CCDC30: variants seen among roughly 807,000 people sequenced by gnomAD.
CCDC30 encodes the protein coiled-coil domain containing 30, also known as coiled-coil domain-containing protein 30.
CCDC30 carries 70 observed loss-of-function variants against 100.2 expected under a neutral mutation model. That is an observed-to-expected ratio of 0.70 (90% CI 0.58 to 0.85). The LOEUF is 0.85. CCDC30 is among the 40% of genes least tolerant of loss of function. The pLI, the probability that CCDC30 is intolerant of heterozygous loss-of-function variation, is 0.00. For synonymous variants in CCDC30, 233 were observed against 269.5 expected (o/e 0.86, Z 1.33); for missense variants, 652 against 771.2 (o/e 0.85, Z 1.83).
upstream of CCDC30, among the ~76,000 whole-genome samples, chr1:42,462,648 A>G (rs1271309330): frequency 1.3e-5 from 2 of 152,198 alleles, no homozygotes. Context: ...TTGCAATAAG[A>G]GCATCTAAAA....
intron 11 of CCDC30, among the ~76,000 whole-genome samples, chr1:42,627,883 G>A (rs1646962143): frequency 6.6e-6 from 1 of 152,244 alleles, no homozygotes; most frequent in African/African-American, 2.4e-5. Flanking sequence ...CAGTGTGGAA[G>A]GGAAACATGG....
chr1:42,552,572 T>A (rs1645274532), intron 6 of CCDC30, among the ~76,000 whole-genome samples: 1 of 152,104 alleles, frequency 6.6e-6, no homozygotes, highest in Admixed American at 6.6e-5. Flanking sequence ...TTTTCCATTT[T>A]TTAAATGGAA....
At chr1:42,583,663 G>A (rs980893783) in intron 9 of CCDC30, among the ~76,000 whole-genome samples, 1 of 151,852 alleles carries the variant, frequency 6.6e-6, no homozygotes, top group Non-Finnish European at 1.5e-5. Context: ...CACATAATAA[G>A]CACTTCTACC....
At chr1:42,645,895 A>G (rs1279815236) in intron 14 of CCDC30, among the ~76,000 whole-genome samples, 4 of 152,236 alleles carry the variant, frequency 2.6e-5, no homozygotes, top group Non-Finnish European at 5.9e-5. Flanking sequence ...GAGAAGGACA[A>G]ACACATTTGT....
intron 10 of CCDC30, among the ~76,000 whole-genome samples, chr1:42,607,905 G>A (rs563439523): frequency 1.3e-5 from 2 of 152,274 alleles, no homozygotes; most frequent in African/African-American, 4.8e-5. Context: ...GCCTTTTAAG[G>A]TTCTTTTGAT....
intron 6 of CCDC30, among the ~76,000 whole-genome samples, chr1:42,564,667 T>C (rs1481220724): frequency 6.6e-6 from 1 of 152,246 alleles, no homozygotes; most frequent in Non-Finnish European, 1.5e-5. Context: ...AAGTTACATA[T>C]GTATCATCTC....
At chr1:42,491,713 A>C in intron 4 of CCDC30, 1 of 213,640 alleles carries the variant, frequency 4.7e-6, no homozygotes, top group South Asian at 7.9e-5. Context: ...CAAAACATGT[A>C]GCCTTTTGGC....
intron 1 of CCDC30, among the ~76,000 whole-genome samples, chr1:42,479,234 GGC>G (rs1643919469): frequency 6.6e-6 from 1 of 152,076 alleles, no homozygotes; most frequent in Non-Finnish European, 1.5e-5. Context: ...AAATTAGCCG[GGC>G]GTGGTTGTGG....
At chr1:42,623,024 T>C (rs1242518420) in intron 11 of CCDC30, among the ~76,000 whole-genome samples, 1 of 152,244 alleles carries the variant, frequency 6.6e-6, no homozygotes, top group Non-Finnish European at 1.5e-5. Context: ...GCCATTTGTA[T>C]GTTTTCTTTT....
chr1:42,652,923 G>C (rs1041028722), intron 15 of CCDC30, among the ~76,000 whole-genome samples: 15 of 152,104 alleles, frequency 9.9e-5, no homozygotes, highest in African/African-American at 3.6e-4. Context: ...GGCTTTTTTG[G>C]GGGGTGATGA....
chr1:42,555,359 A>G (rs932202718), intron 6 of CCDC30, among the ~76,000 whole-genome samples: 7 of 152,034 alleles, frequency 4.6e-5, no homozygotes, highest in Non-Finnish European at 1.0e-4. Context: ...TCCTCCCTTT[A>G]CATTTGTTTA....
chr1:42,482,662 G>C lies in CCDC30; in HGVS notation c.16-1G>C, dbSNP rs777283575. The C allele has an allele frequency of 1.7e-4, 215 of 1,232,552 alleles. No individual in the cohort carries two copies. Among genetic ancestry groups the C allele is most frequent in the Non-Finnish European group, 2.1e-4 (208 of 986,714 alleles). 76.4% of individuals were successfully genotyped at this position (1,232,552 alleles called of 1,614,324 possible). A position where few individuals can be genotyped will look rare whatever the true frequency, so the allele number is the denominator to read the frequency against. On this transcript the variant is annotated splice_acceptor_variant, in intron 2 of 16. Transcript: ENST00000668663. LOFTEE classifies it high-confidence loss of function. ...TATTACTAATAGAAGTTTTATTTCA[G>C]TATCATAATGAAGACCTGGAAAAAG... is the stretch of plus-strand genomic sequence containing the variant.
At chr1:42,561,741 C>T (rs1349949202) in intron 6 of CCDC30, among the ~76,000 whole-genome samples, 1 of 152,168 alleles carries the variant, frequency 6.6e-6, no homozygotes, top group Non-Finnish European at 1.5e-5. Context: ...AACTGATAAG[C>T]AACTTCAGCA....
chr1:42,626,142 A>T (rs1646929440), intron 11 of CCDC30, among the ~76,000 whole-genome samples: 3 of 152,094 alleles, frequency 2.0e-5, no homozygotes, highest in Admixed American at 2.0e-4. Flanking sequence ...TTTGTTTCAA[A>T]ATCTATTTTG....
intron 11 of CCDC30, among the ~76,000 whole-genome samples, chr1:42,614,781 C>G (rs1358179835): frequency 2.1e-5 from 3 of 145,370 alleles, no homozygotes; most frequent in Non-Finnish European, 4.6e-5. Context: ...AGTAAGACTC[C>G]ATCTCGAAAA....
chr1:42,543,485 T>C (rs1645058431), intron 6 of CCDC30, among the ~76,000 whole-genome samples: 1 of 151,408 alleles, frequency 6.6e-6, no homozygotes, highest in African/African-American at 2.4e-5. Flanking sequence ...CACACCTGGC[T>C]AATTTTTCTA....
intron 6 of CCDC30, 46 bp from the exon 10 acceptor site, chr1:42,556,110 C>A (rs201970968): frequency 9.6e-6 from 15 of 1,559,062 alleles, no homozygotes; most frequent in Non-Finnish European, 1.3e-5. Context: ...GATTCTACTA[C>A]TATAATAAGC....
intron 7 of CCDC30, among the ~76,000 whole-genome samples, chr1:42,570,017 C>A (rs1173540017): frequency 6.6e-6 from 1 of 152,082 alleles, no homozygotes; most frequent in African/African-American, 2.4e-5. Context: ...AGGAGAAATA[C>A]CCAATGTAGA....
chr1:42,557,905 A>T (rs905607021), intron 6 of CCDC30, among the ~76,000 whole-genome samples: 2 of 151,952 alleles, frequency 1.3e-5, no homozygotes, highest in African/African-American at 4.8e-5. Flanking sequence ...AAGAAAGGGT[A>T]ATTGGCTTAA....
Sources: allele counts gnomAD v4.1 joint callset (sites outside exome capture counted in the v4.1 genomes callset), GRCh38; gene constraint gnomAD v4.1.1; transcripts MANE v1.5; gene names NCBI Gene and HGNC (gene_info 2026-07-23, HGNC 2026-07-21).